Variants in MSN observed in about 807,000 individuals in gnomAD.
MSN encodes the protein epididymis luminal protein 70.
A neutral mutation model predicts 48.0 loss-of-function variants in MSN; 2 were observed. The observed-to-expected ratio is 0.04, with a 90% CI of 0.02 to 0.13. MSN has a LOEUF of 0.13. Among genes scored for constraint, MSN ranks in the 10% least tolerant of loss-of-function variants. The probability of loss-of-function intolerance (pLI) is 1.00; values close to 1 mark genes in which losing one functional copy is unlikely to be tolerated. For missense variants in MSN, 267 were observed against 470.1 expected (o/e 0.57, Z 3.99); for synonymous variants, 146 against 166.9 (o/e 0.87, Z 0.97).
At chrX:65,733,623 C>A (rs2071645172) in intron 7 of MSN, among the ~76,000 whole-genome samples, 1 of 112,148 alleles carries the variant, frequency 8.9e-6, no homozygotes, top group Admixed American at 9.4e-5. Context: ...ATTTCCAAGC[C>A]CCTGGGTCCC....
At chrX:65,681,356 G>T (rs747050236) in intron 1 of MSN, among the ~76,000 whole-genome samples, 1 of 112,030 alleles carries the variant, frequency 8.9e-6, no homozygotes, top group African/African-American at 3.2e-5. Context: ...CCTGTCTCAA[G>T]AAGGGGCCAT....
intron 1 of MSN, among the ~76,000 whole-genome samples, chrX:65,696,377 G>A (rs964713432): frequency 1.8e-5 from 2 of 111,735 alleles, no homozygotes; most frequent in Non-Finnish European, 3.8e-5. Context: ...ACCTGAGGTA[G>A]GTAAGAGGTA....
intron 1 of MSN, among the ~76,000 whole-genome samples, chrX:65,636,987 G>T (rs1456729325): frequency 3.7e-5 from 4 of 107,555 alleles, no homozygotes; most frequent in Non-Finnish European, 7.7e-5. Context: ...CTACTCGGGA[G>T]GCTGAGGCAG....
At position 65,600,342 on chromosome X, in the gene MSN, C is replaced by T. The variant is rs757413536; in HGVS notation, c.-22+11730C>T. ...ATGTGCGTCTCCAGGCGTCTAAATGCGTCTGTACCTTCCTCTGTGCGTGTT... is the reference window on the plus strand; with the variant it reads ...ATGTGCGTCTCCAGGCGTCTAAATGTGTCTGTACCTTCCTCTGTGCGTGTT... On this transcript the variant is annotated intron_variant, in intron 1 of 3. Coordinates refer to the MSN transcript ENST00000609672. Among the ~76,000 whole-genome samples the T allele has an allele frequency of 5.4e-5, 6 of 111,590 alleles. No homozygotes were observed. In the South Asian group the frequency reaches 1.1e-3, roughly 21 times the overall value.
chrX:65,627,004 A>G (rs1271802409), intron 1 of MSN, among the ~76,000 whole-genome samples: 1 of 111,637 alleles, frequency 9.0e-6, no homozygotes, highest in Non-Finnish European at 1.9e-5. Context: ...AAGGACAAGT[A>G]AACACACTAC....
intron 1 of MSN, among the ~76,000 whole-genome samples, chrX:65,627,713 G>C (rs1337526114): frequency 9.0e-6 from 1 of 110,861 alleles, no homozygotes; most frequent in African/African-American, 3.3e-5. Context: ...CTTCCCAACA[G>C]TCCCCAAAAA....
intron 1 of MSN, among the ~76,000 whole-genome samples, chrX:65,634,894 C>A (rs184816437): frequency 1.8e-5 from 2 of 111,164 alleles, no homozygotes; most frequent in East Asian, 5.7e-4. Context: ...CCCTGGGAGC[C>A]CTGTCAGTAC....
chrX:65,735,504 G>A (rs2071667209), intron 8 of MSN, 74 bp downstream of exon 8: 1 of 1,088,451 alleles, frequency 9.2e-7, no homozygotes. Flanking sequence ...TGCATGCTAA[G>A]TCAGGACATG....
chrX:65,709,214 T>G (rs959090601), intron 1 of MSN, among the ~76,000 whole-genome samples: 1 of 111,751 alleles, frequency 8.9e-6, no homozygotes, highest in Non-Finnish European at 1.9e-5. Flanking sequence ...AGTCCTATTT[T>G]TAGTTTTCTG....
chrX:65,674,401 G>A (rs1409104670), intron 1 of MSN, among the ~76,000 whole-genome samples: 1 of 111,633 alleles, frequency 9.0e-6, no homozygotes, highest in Non-Finnish European at 1.9e-5. Context: ...TCCACCCAGA[G>A]AGCACAGACT....
intron 1 of MSN, among the ~76,000 whole-genome samples, chrX:65,636,421 T>C (rs1424511965): frequency 9.0e-6 from 1 of 110,973 alleles, no homozygotes; most frequent in African/African-American, 3.3e-5. Context: ...TGCCTGCAGG[T>C]AGAAATTCAA....
At chrX:65,662,665 A>G (rs1480761735), upstream of MSN, among the ~76,000 whole-genome samples, 1 of 112,563 alleles carries the variant, frequency 8.9e-6, no homozygotes, top group Non-Finnish European at 1.9e-5. Context: ...TAAATTTAAG[A>G]TCTCAAACTA....
At chrX:65,707,047 A>G (rs2071368820) in intron 1 of MSN, among the ~76,000 whole-genome samples, 1 of 111,653 alleles carries the variant, frequency 9.0e-6, no homozygotes, top group African/African-American at 3.3e-5. Flanking sequence ...CTTTTGCTGT[A>G]GCTGGGCTAC....
rs191228615 is a variant in MSN at position 65,594,582 on chromosome X, A to C, written c.-22+5970A>C. On this transcript the variant is annotated intron_variant, in intron 1 of 3. Transcript: ENST00000609672. ...TAGAATACCACAGAACATTATAAAA[A>C]TAACCAGATAGAATGTCAGGGCTGG... Among the ~76,000 whole-genome samples the C allele has an allele frequency of 1.2e-3, 130 of 111,674 alleles. 2 individuals carry two copies. The highest frequency in any genetic ancestry group is 4.1e-3 in the African/African-American group (126 of 30,703).
chrX:65,652,216 T>C (rs181814462), intron 1 of MSN, among the ~76,000 whole-genome samples: 1 of 110,837 alleles, frequency 9.0e-6, no homozygotes, highest in Non-Finnish European at 1.9e-5. Context: ...ACCGGAAGGC[T>C]GGTGCACTTG....
chrX:65,623,664 A>T (rs1009006394), intron 1 of MSN, among the ~76,000 whole-genome samples: 2 of 108,958 alleles, frequency 1.8e-5, no homozygotes, highest in Non-Finnish European at 3.8e-5. Context: ...TACAAAAATT[A>T]CCTGGGGCAT....
chrX:65,666,162 C>T (rs73629471), upstream of MSN, among the ~76,000 whole-genome samples: 924 of 108,658 alleles, frequency 8.5e-3, 11 homozygotes, highest in African/African-American at 0.029. Context: ...GCCATCACAC[C>T]CGGCTAATTT....
At chrX:65,708,169 C>A (rs921091876) in intron 1 of MSN, among the ~76,000 whole-genome samples, 1 of 110,688 alleles carries the variant, frequency 9.0e-6, no homozygotes, top group African/African-American at 3.3e-5. Flanking sequence ...ATTTTTTTAA[C>A]CTGACACATC....
chrX:65,656,226 C>T (rs917890692), intron 1 of MSN, among the ~76,000 whole-genome samples: 2 of 109,304 alleles, frequency 1.8e-5, no homozygotes, highest in Non-Finnish European at 3.8e-5. Flanking sequence ...ATAGTGTTTA[C>T]CTAAGGCAGA....
Sources: gnomAD v4.1 joint callset for allele counts (sites outside exome capture counted in the v4.1 genomes callset) on GRCh38, gnomAD v4.1.1 for gene constraint, MANE v1.5 for transcripts, NCBI Gene and HGNC (gene_info 2026-07-23, HGNC 2026-07-21) for gene names.